Variants in CFAP251 observed in about 807,000 individuals in gnomAD.
CFAP251 encodes the protein cilia and flagella associated protein 251.
A neutral mutation model predicts 126.7 loss-of-function variants in CFAP251; 93 were observed. The ratio of observed to expected loss-of-function variants is 0.73; its 90% confidence interval spans 0.62 to 0.87. The LOEUF (loss-of-function observed/expected upper bound fraction) is 0.87. Ranked by LOEUF, CFAP251 falls within the 40% of genes least tolerant of loss-of-function variation. CFAP251 has a pLI of 0.00. For missense variants in CFAP251, 1,287 were observed against 1,389.2 expected (o/e 0.93, Z 1.17); for synonymous variants, 503 against 506.9 (o/e 0.99, Z 0.10).
intron 17 of CFAP251, 148 bp downstream of exon 17, chr12:121,968,317 C>A: frequency 1.4e-6 from 1 of 703,622 alleles, no homozygotes; most frequent in Non-Finnish European, 2.2e-6. Flanking sequence ...TGGCATTGCT[C>A]ACATTACTCT....
chr12:121,954,016 T>C (rs1881623531), intron 9 of CFAP251, 104 bp from the exon 10 acceptor site: 1 of 1,074,942 alleles, frequency 9.3e-7, no homozygotes. Flanking sequence ...TTTCTTTCTC[T>C]TTTTCTCACT....
In CFAP251 at chr12:121,931,786, T is replaced by A; in HGVS notation, c.788T>A (p.Val263Asp). The A allele has an allele frequency of 6.2e-7, 1 of 1,602,934 alleles. No individual in the cohort carries two copies. Among genetic ancestry groups the A allele is most frequent in the Admixed American group, 1.7e-5 (1 of 58,018 alleles). Residue 263 changes from valine to aspartate, a missense_variant, in exon 4 of 22, where the codon GTT (valine) becomes GAT (aspartate). By Grantham distance (152) the Val-to-Asp change is radical. Coordinates refer to ENST00000288912, the MANE Select transcript of CFAP251 (RefSeq NM_144668.6). The part of the protein sequence containing the change: ...WSFGWNSSLP[V>D]YYIREERQRV... ...TTTGGATGGAACAGTTCTCTTCCTG[T>A]TTACTATATTCGAGAGGAAAGGCAG...
chr12:121,920,495 C>G (rs1880124219), intron 1 of CFAP251, among the ~76,000 whole-genome samples: 1 of 151,588 alleles, frequency 6.6e-6, no homozygotes, highest in South Asian at 2.1e-4. Context: ...CTCCCGGGTT[C>G]ACACCATTCT....
chr12:121,992,361 T>G (rs909148119), intron 19 of CFAP251: 53 of 985,248 alleles, frequency 5.4e-5, no homozygotes, highest in Non-Finnish European at 6.4e-5. Flanking sequence ...TGAGTAGTGA[T>G]TCTTGATCAG....
intron 13 of CFAP251, 108 bp downstream of exon 13, chr12:121,959,202 C>T (rs758184507): frequency 5.0e-5 from 59 of 1,186,722 alleles, no homozygotes; most frequent in Non-Finnish European, 5.3e-5. Flanking sequence ...TTTGGGAGGC[C>T]GAGGTGGGAG....
chr12:122,001,290 A>T (rs901951622), intron 20 of CFAP251, among the ~76,000 whole-genome samples: 2 of 151,970 alleles, frequency 1.3e-5, no homozygotes, highest in Admixed American at 6.6e-5. Flanking sequence ...TCCTGACCTC[A>T]AGTGATACGC....
rs905883792 is a variant in CFAP251, at chr12:121,967,205, A to T, written c.2607+136A>T. The T allele has an allele frequency of 6.9e-6, 5 of 726,584 alleles. No individual in the cohort carries two copies. In the African/African-American group the frequency reaches 8.8e-5, roughly 13 times the overall value. The allele number at this position is 726,584 out of a possible 1,614,324, so 45.0% of individuals were successfully genotyped here. A position where few individuals can be genotyped will look rare whatever the true frequency, so the allele number is the denominator to read the frequency against. On this transcript the variant is annotated intron_variant, in intron 16 of 21. Transcript: ENST00000288912. ...ACTGCTTCCACCCCAGTCAGCTGTG[A>T]TACTGAAAATTGCCCTTGATGAGTT... is the stretch of plus-strand genomic sequence containing the variant.
At chr12:121,999,144 T>C (rs757352068) in intron 19 of CFAP251, 4 of 152,290 alleles carry the variant, frequency 2.6e-5, no homozygotes, top group Admixed American at 6.5e-5. Context: ...TAGATGATCA[T>C]GTGGTTTCTG....
Position 121,918,989 on chromosome 12 carries a change from A to C in CFAP251, c.-21+294A>C, listed in dbSNP as rs1880038175. The stretch of plus-strand genomic sequence containing the variant: ...AAAGAGGCTCGGTGGTGAGAGCCCT[A>C]GACTTGATTCAGAGCAGTGATTTTT... On this transcript the variant is annotated intron_variant, in intron 1 of 21. Coordinates refer to ENST00000288912, the MANE Select transcript of CFAP251 (RefSeq NM_144668.6). This position sits in a 1 kb window ranked among gnomAD's most constrained non-coding sequence, Gnocchi z 4.3. Among the ~76,000 whole-genome samples the C allele has an allele frequency of 6.6e-6, 1 of 152,162 alleles. No individual in the cohort carries two copies. Among genetic ancestry groups the C allele is most frequent in the Non-Finnish European group, 1.5e-5 (1 of 68,020 alleles).
chr12:121,975,437 C>T, intron 18 of CFAP251, 103 bp downstream of exon 18: 1 of 1,568,076 alleles, frequency 6.4e-7, no homozygotes, highest in South Asian at 1.1e-5. Context: ...TTTGTTCCCC[C>T]ATTCAGCTTA....
At chr12:121,961,903 A>G in intron 14 of CFAP251, 75 bp from the exon 15 acceptor site, 1 of 1,463,346 alleles carries the variant, frequency 6.8e-7, no homozygotes, top group South Asian at 1.3e-5. Context: ...GCTGTCACCC[A>G]AGAGCTTGGG....
chr12:121,960,599 T>G lies in CFAP251; in HGVS notation c.2148T>G (p.Thr716=). 1.2e-6 allele frequency: 2 copies of G among 1,614,198 alleles called. No homozygotes were observed. Among genetic ancestry groups the G allele is most frequent in the East Asian group, 4.5e-5 (2 of 44,892 alleles). Residue 716 remains threonine, a synonymous_variant, in exon 14 of 22, where the codon ACT becomes ACG. Transcript: ENST00000288912. ...CTCATCTTCAGGATAGAAGTTTTAC[T>G]GTGGCTGTTTACATGCTGGTGGTCA... is the stretch of plus-strand genomic sequence containing the variant. The part of the protein sequence containing the change: ...QYMATADRSF[T]VAVYMLVVRN...
intron 19 of CFAP251, among the ~76,000 whole-genome samples, chr12:121,993,833 C>T (rs1451541141): frequency 6.1e-4 from 74 of 121,624 alleles, no homozygotes; most frequent in South Asian, 1.1e-3. Context: ...CCGCCCCGTC[C>T]GGGAGGGAGG....
At chr12:121,977,700 A>T (rs1330604412) in intron 19 of CFAP251, among the ~76,000 whole-genome samples, 5 of 151,378 alleles carry the variant, frequency 3.3e-5, no homozygotes, top group East Asian at 1.9e-4. Context: ...TCAGACCTGT[A>T]ATCCCAGCAC....
intron 19 of CFAP251, among the ~76,000 whole-genome samples, chr12:121,983,870 C>G (rs1882685853): frequency 6.6e-6 from 1 of 152,100 alleles, no homozygotes; most frequent in African/African-American, 2.4e-5. Flanking sequence ...AAGTTTCTGA[C>G]CTTTTGTTTT....
At chr12:121,988,731 T>C (rs1882807493) in intron 19 of CFAP251, among the ~76,000 whole-genome samples, 1 of 151,594 alleles carries the variant, frequency 6.6e-6, no homozygotes, top group African/African-American at 2.4e-5. Flanking sequence ...GTTGGATTTT[T>C]TTTTCTTTTT....
In CFAP251 at chr12:121,948,927, A is replaced by G. The variant is rs765032018; in HGVS notation, c.1192-57A>G. 32 of 1,015,654 alleles carry G rather than the reference A, an allele frequency of 3.2e-5. No individual in the cohort carries two copies. The South Asian group carries it at 4.4e-4, about 14-fold the overall frequency. The allele number at this position is 1,015,654 out of a possible 1,614,324, so 62.9% of individuals were successfully genotyped here. On this transcript the variant is annotated intron_variant, in intron 7 of 21. Transcript: ENST00000288912. Reference sequence around the variant, plus strand: ...AAATTATTATTTAATTTTAACATTCAGCTTAACCAGAAACAGAAAATTTAT... The same window carrying G: ...AAATTATTATTTAATTTTAACATTCGGCTTAACCAGAAACAGAAAATTTAT...
intron 19 of CFAP251, among the ~76,000 whole-genome samples, chr12:121,988,611 C>T (rs936165225): frequency 4.6e-5 from 7 of 152,194 alleles, no homozygotes; most frequent in African/African-American, 1.7e-4. Flanking sequence ...TGTAGATATG[C>T]CACATTTTAT....
Position 121,966,974 on chromosome 12 carries a change from G to A in CFAP251, c.2512G>A (p.Ala838Thr). 1 of 1,614,206 alleles carries A rather than the reference G, an allele frequency of 6.2e-7. No homozygotes were observed. Among genetic ancestry groups the A allele is most frequent in the Non-Finnish European group, 8.5e-7 (1 of 1,180,038 alleles). ...CTTCAGAAAGACGCTTCTGGGGCCAGCTTATGGTTCCCCTATTGAGCAGAC... is the reference window on the plus strand; with the variant it reads ...CTTCAGAAAGACGCTTCTGGGGCCAACTTATGGTTCCCCTATTGAGCAGAC... Reference protein sequence around the residue: ...KMCRKTLLGPAYGSPIEQTQV... With the variant: ...KMCRKTLLGPTYGSPIEQTQV... Residue 838 changes from alanine (A) to threonine (T), a missense_variant, in exon 16 of 22, where the codon GCT becomes ACT. Transcript: ENST00000288912.
Sources: gnomAD v4.1 joint callset for allele counts (sites outside exome capture counted in the v4.1 genomes callset) on GRCh38, gnomAD v4.1.1 for gene constraint, Gnocchi (gnomAD v3.1) non-coding constraint, MANE v1.5 for transcripts, NCBI Gene and HGNC (gene_info 2026-07-23, HGNC 2026-07-21) for gene names.